TLN2: variants seen among roughly 807,000 people sequenced by gnomAD.
The protein encoded by TLN2 is talin-2.
TLN2 carries 118 observed loss-of-function variants against 294.7 expected under a neutral mutation model. That is an observed-to-expected ratio of 0.40 (90% confidence interval 0.34 to 0.47). The LOEUF (loss-of-function observed/expected upper bound fraction) is 0.47. Among genes scored for constraint, TLN2 ranks in the 20% least tolerant of loss-of-function variants. The pLI is 0.84. For synonymous variants in TLN2, 1,431 were observed against 1,304.5 expected (o/e 1.10, Z -2.09); for missense variants, 3,083 against 3,282.2 (o/e 0.94, Z 1.48).
At chr15:62,764,740 A>T (rs552502017) in intron 40 of TLN2, among the ~76,000 whole-genome samples, 25 of 152,040 alleles carry the variant, frequency 1.6e-4, no homozygotes, top group African/African-American at 6.0e-4. Flanking sequence ...GCTGAGGCGG[A>T]TGGATCACTT....
At chr15:62,802,278 G>C (rs1048579500) in intron 50 of TLN2, among the ~76,000 whole-genome samples, 1 of 152,094 alleles carries the variant, frequency 6.6e-6, no homozygotes, top group African/African-American at 2.4e-5. Flanking sequence ...CCATGTTGTT[G>C]CTAATGATAG....
At chr15:62,396,369 A>G (rs987322938) in intron 1 of TLN2, among the ~76,000 whole-genome samples, 10 of 152,246 alleles carry the variant, frequency 6.6e-5, no homozygotes, top group African/African-American at 2.2e-4. Flanking sequence ...CATTTAGAAA[A>G]AAAGACTGGG....
At chr15:62,705,778 G>C (rs1292425636) in intron 19 of TLN2, among the ~76,000 whole-genome samples, 5 of 152,198 alleles carry the variant, frequency 3.3e-5, no homozygotes, top group Admixed American at 6.5e-5. Context: ...AAGTTGTGTG[G>C]TAGACAAGTG....
intron 1 of TLN2, among the ~76,000 whole-genome samples, chr15:62,573,057 C>T (rs1369283): frequency 0.48 from 72,527 of 151,940 alleles, 17,541 homozygotes; most frequent in East Asian, 0.68. Context: ...ACAACTCAGC[C>T]CCCAAGCTGA....
intron 24 of TLN2, among the ~76,000 whole-genome samples, chr15:62,719,046 C>T (rs2059961260): frequency 6.6e-6 from 1 of 152,142 alleles, no homozygotes; most frequent in African/African-American, 2.4e-5. Flanking sequence ...CACCTTTATC[C>T]ACAACGATGG....
At chr15:62,805,500 C>T (rs2066217366) in intron 50 of TLN2, 100 bp from the exon 51 acceptor site, 1 of 1,275,608 alleles carries the variant, frequency 7.8e-7, no homozygotes, top group Admixed American at 2.8e-5. Flanking sequence ...CAGTTACTGG[C>T]TCAGTTTTCA....
At chr15:62,716,873 T>C (rs2140905058) in intron 23 of TLN2, among the ~76,000 whole-genome samples, 1 of 152,262 alleles carries the variant, frequency 6.6e-6, no homozygotes, top group African/African-American at 2.4e-5. Context: ...GAGTGAAATA[T>C]ATTTGTTATT....
intron 2 of TLN2, among the ~76,000 whole-genome samples, chr15:62,601,003 A>G (rs1183912517): frequency 6.6e-6 from 1 of 152,186 alleles, no homozygotes; most frequent in African/African-American, 2.4e-5. Flanking sequence ...AATGAGACTT[A>G]TTCATTGCAG....
intron 3 of TLN2, among the ~76,000 whole-genome samples, chr15:62,642,676 GTTTT>G (rs1355441344): frequency 6.7e-6 from 1 of 149,006 alleles, no homozygotes; most frequent in Non-Finnish European, 1.5e-5. Flanking sequence ...TTTTGTTGTT[GTTTT>G]TGTTTGTTTG....
intron 1 of TLN2, among the ~76,000 whole-genome samples, chr15:62,419,267 T>C (rs6494320): frequency 0.11 from 17,055 of 152,274 alleles, 1,064 homozygotes; most frequent in Admixed American, 0.14. Context: ...AGTTCACATG[T>C]TTCTTTTTAT....
intron 28 of TLN2, among the ~76,000 whole-genome samples, chr15:62,731,487 G>A (rs1426140029): frequency 6.6e-6 from 1 of 152,164 alleles, no homozygotes; most frequent in Non-Finnish European, 1.5e-5. Flanking sequence ...AAAAATGCAG[G>A]AACTGAGCTG....
Position 62,739,933 on chromosome 15 carries a change from A to G in TLN2, c.3885+388A>G, listed in dbSNP as rs539333567. On this transcript the variant is annotated intron_variant, in intron 31 of 58. Coordinates refer to ENST00000636159, the MANE Select transcript of TLN2 (RefSeq NM_015059.3). ...TGGACCATTCAGATGGTCTGTGTCT[A>G]ATACAGAGTGTCAAGTGATTAAAAA... 1.4e-4 allele frequency among the ~76,000 whole-genome samples: 21 copies of G among 152,286 alleles called. No homozygotes were observed. In the South Asian group the frequency reaches 4.4e-3, roughly 32 times the overall value.
At chr15:62,736,331 AC>A (rs2061011721) in intron 28 of TLN2, among the ~76,000 whole-genome samples, 1 of 151,784 alleles carries the variant, frequency 6.6e-6, no homozygotes, top group Admixed American at 6.6e-5. Context: ...AAAAAAAAAA[AC>A]AGTAAAAGTA....
chr15:62,700,597 C>T (rs948010888), intron 16 of TLN2, among the ~76,000 whole-genome samples: 1 of 152,110 alleles, frequency 6.6e-6, no homozygotes, highest in Non-Finnish European at 1.5e-5. Flanking sequence ...AAGGTCTTAC[C>T]GTCTACATGA....
chr15:62,716,076 G>A (rs2059752989), intron 22 of TLN2, among the ~76,000 whole-genome samples: 1 of 152,178 alleles, frequency 6.6e-6, no homozygotes, highest in African/African-American at 2.4e-5. Flanking sequence ...TAATTTGTAT[G>A]GACAACCAAG....
intron 52 of TLN2, among the ~76,000 whole-genome samples, chr15:62,817,306 C>T (rs1354202600): frequency 1.3e-5 from 2 of 152,206 alleles, no homozygotes; most frequent in Non-Finnish European, 2.9e-5. Context: ...GTTTGCTTTT[C>T]ACTCATTAAT....
intron 17 of TLN2, 85 bp from the exon 18 acceptor site, chr15:62,701,907 G>C: frequency 6.9e-7 from 1 of 1,456,644 alleles, no homozygotes; most frequent in Non-Finnish European, 9.4e-7. Flanking sequence ...TGGTAGGTGA[G>C]GAACTCCTGC....
At chr15:62,521,368 A>G (rs1324968794) in intron 1 of TLN2, among the ~76,000 whole-genome samples, 1 of 152,172 alleles carries the variant, frequency 6.6e-6, no homozygotes, top group Non-Finnish European at 1.5e-5. Flanking sequence ...TAAAATATTT[A>G]AAGAGGTTTA....
intron 1 of TLN2, among the ~76,000 whole-genome samples, chr15:62,467,173 G>A (rs207475553): frequency 2.6e-5 from 4 of 152,308 alleles, no homozygotes; most frequent in South Asian, 2.1e-4. Context: ...CCAGGAGGCC[G>A]GAGTCCTGGG....
Sources: gnomAD v4.1 joint callset for allele counts (sites outside exome capture counted in the v4.1 genomes callset) on GRCh38, gnomAD v4.1.1 for gene constraint, MANE v1.5 for transcripts, NCBI Gene and HGNC (gene_info 2026-07-23, HGNC 2026-07-21) for gene names.